Variants in TDRD9 observed in about 807,000 individuals in gnomAD.
TDRD9 encodes the protein ATP-dependent RNA helicase TDRD9.
A neutral mutation model predicts 172.6 loss-of-function variants in TDRD9; 124 were observed. The ratio of observed to expected loss-of-function variants is 0.72; its 90% CI spans 0.62 to 0.83. The LOEUF (loss-of-function observed/expected upper bound fraction) is 0.83. Among genes scored for constraint, TDRD9 ranks in the 40% least tolerant of loss-of-function variants. The pLI is 0.00. For synonymous variants in TDRD9, 619 were observed against 617.1 expected, an observed-to-expected ratio of 1.00 and a Z score of -0.05; for missense variants, 1,479 against 1,714.1, an observed-to-expected ratio of 0.86 and a Z score of 2.42.
chr14:103,985,302 G>A (rs2033620332), intron 7 of TDRD9, among the ~76,000 whole-genome samples: 1 of 152,146 alleles, frequency 6.6e-6, no homozygotes, highest in African/African-American at 2.4e-5. Context: ...GGGACCCAGT[G>A]GGAGGTAATT....
rs1225777142 is a variant in TDRD9 at position 104,035,006 on chromosome 14, T to C, written c.3666T>C (p.Pro1222=). 6.4e-7 allele frequency: 1 copy of C among 1,551,822 alleles called. No homozygotes were observed. Among genetic ancestry groups the C allele is most frequent in the African/African-American group, 1.4e-5 (1 of 73,162 alleles). ...LRETSLMPHI[P]GLPALLSMLF... is the part of the protein sequence containing the mutation. ...AAACCTCTCTGATGCCTCATATCCC[T>C]GGCCTCCCGGCTCTCCTCAGCATGT... is the stretch of plus-strand genomic sequence containing the variant. Residue 1222 remains proline (P), a synonymous_variant, in exon 32 of 36, where the codon CCT becomes CCC. Coordinates refer to ENST00000409874, the MANE Select transcript of TDRD9 (RefSeq NM_153046.3).
At chr14:103,941,610 GTCTT>G in intron 1 of TDRD9, 1 of 1,535,214 alleles carries the variant, frequency 6.5e-7, no homozygotes, top group East Asian at 2.4e-5. Flanking sequence ...CCGAAGCAGA[GTCTT>G]TGTCACTATG....
chr14:104,018,920 G>A (rs2034872090), intron 23 of TDRD9, among the ~76,000 whole-genome samples: 3 of 151,956 alleles, frequency 2.0e-5, no homozygotes, highest in East Asian at 1.9e-4. Flanking sequence ...AATTCCCTCC[G>A]GCATTTTAAG....
chr14:104,028,644 TTTG>T (rs1452778833), intron 28 of TDRD9, among the ~76,000 whole-genome samples: 1 of 152,186 alleles, frequency 6.6e-6, no homozygotes, highest in East Asian at 1.9e-4. Context: ...GTCTCTTCAT[TTTG>T]TTGATTGTTT....
At chr14:103,939,020 GC>G (rs1345970272) in intron 1 of TDRD9, among the ~76,000 whole-genome samples, 1 of 152,032 alleles carries the variant, frequency 6.6e-6, no homozygotes, top group Non-Finnish European at 1.5e-5. Context: ...TTAATTAATT[GC>G]ATGTGGGTGA....
chr14:103,994,473 A>C (rs1283691353), intron 10 of TDRD9, 46 bp from the exon 11 acceptor site: 2 of 1,604,808 alleles, frequency 1.2e-6, no homozygotes, highest in Non-Finnish European at 1.7e-6. Flanking sequence ...TTTGTATCTC[A>C]TGTATATCTA....
intron 13 of TDRD9, among the ~76,000 whole-genome samples, chr14:103,999,741 ACCATATG>A (rs2034196544): frequency 8.9e-6 from 1 of 112,456 alleles, no homozygotes; most frequent in Non-Finnish European, 1.9e-5. Flanking sequence ...TTGAATATTT[ACCATATG>A]CCAGACATTC....
chr14:104,029,019 A>G (rs1596007031), intron 28 of TDRD9, among the ~76,000 whole-genome samples: 2 of 152,086 alleles, frequency 1.3e-5, no homozygotes, highest in South Asian at 4.1e-4. Context: ...TGGGTTCTCT[A>G]TTCTGTTCCA....
Position 103,992,738 on chromosome 14 carries a change from A to G in TDRD9, c.1180+1514A>G, listed in dbSNP as rs142487594. Among the ~76,000 whole-genome samples, 242 of 152,118 alleles carry G rather than the reference A, an allele frequency of 1.6e-3. 3 individuals carry two copies. In the East Asian group the frequency reaches 0.034, roughly 21 times the overall value. On this transcript the variant is annotated intron_variant, in intron 9 of 35. Transcript: ENST00000409874. ...GGAGATCGAGACCATCCTGGCTAACATGGTGAAACCTCATCTTTACTGAAA... is the reference window on the plus strand; with the variant it reads ...GGAGATCGAGACCATCCTGGCTAACGTGGTGAAACCTCATCTTTACTGAAA...
At chr14:104,001,367 T>C (rs2152212346) in intron 13 of TDRD9, among the ~76,000 whole-genome samples, 1 of 152,380 alleles carries the variant, frequency 6.6e-6, no homozygotes, top group Middle Eastern at 3.4e-3. Flanking sequence ...ATAGTGTTCT[T>C]AGGAGCCATC....
intron 13 of TDRD9, among the ~76,000 whole-genome samples, chr14:104,000,329 C>CAA (rs60498436): frequency 4.4e-4 from 56 of 127,854 alleles, no homozygotes; most frequent in African/African-American, 7.3e-4. Flanking sequence ...AGCCCCGTCT[C>CAA]AAAAAAAAAA....
In TDRD9 at chr14:103,972,507, T is replaced by C. The variant is rs150741733; in HGVS notation, c.846+1886T>C. Among the ~76,000 whole-genome samples, 636 of 152,324 alleles carry C rather than the reference T, an allele frequency of 4.2e-3. 5 individuals are homozygous for C. Among genetic ancestry groups the C allele is most frequent in the Middle Eastern group, 0.024 (7 of 294 alleles). ...GAACAAAAAGGAAGAAGGTGTGAAC[T>C]AGGCCAAAATGGCGAAGGGTTTAGA... On this transcript the variant is annotated intron_variant, in intron 6 of 35. Coordinates refer to ENST00000409874, the MANE Select transcript of TDRD9 (RefSeq NM_153046.3).
At chr14:104,050,906 A>G (rs1372024955) in intron 35 of TDRD9, among the ~76,000 whole-genome samples, 1 of 152,256 alleles carries the variant, frequency 6.6e-6, no homozygotes, top group East Asian at 1.9e-4. Context: ...CCACATTTAC[A>G]TAGGCATGCA....
intron 6 of TDRD9, among the ~76,000 whole-genome samples, chr14:103,973,032 TAA>T (rs200251126): frequency 0.022 from 3,370 of 152,276 alleles, 141 homozygotes; most frequent in Admixed American, 0.12. Context: ...TTTTCAATGG[TAA>T]AAAGAGTTAG....
chr14:103,982,014 A>C (rs1272258359), intron 7 of TDRD9, among the ~76,000 whole-genome samples: 1 of 152,058 alleles, frequency 6.6e-6, no homozygotes, highest in Non-Finnish European at 1.5e-5. Context: ...TGCTGTTACA[A>C]GGGAGACTTG....
chr14:103,934,908 G>A (rs1331857868), intron 1 of TDRD9, among the ~76,000 whole-genome samples: 1 of 152,244 alleles, frequency 6.6e-6, no homozygotes, highest in Non-Finnish European at 1.5e-5. Flanking sequence ...TACTGTGGAT[G>A]TTTTTTGAAG....
intron 5 of TDRD9, among the ~76,000 whole-genome samples, chr14:103,969,203 G>C (rs947173517): frequency 9.4e-5 from 14 of 148,830 alleles, no homozygotes; most frequent in African/African-American, 3.5e-4. Context: ...TATGGAAAAG[G>C]TGCCTCCTAA....
chr14:104,038,469 G>A (rs754005196), intron 32 of TDRD9, among the ~76,000 whole-genome samples: 7 of 152,184 alleles, frequency 4.6e-5, no homozygotes, highest in Non-Finnish European at 7.4e-5. Flanking sequence ...GGCTTGTTGT[G>A]TTCCCAATGT....
At chr14:103,993,926 G>T (rs965213058) in intron 9 of TDRD9, among the ~76,000 whole-genome samples, 2 of 152,212 alleles carry the variant, frequency 1.3e-5, no homozygotes, top group African/African-American at 4.8e-5. Flanking sequence ...CAGCAAACAG[G>T]ACGGAGGCCT....
Sources: allele counts gnomAD v4.1 joint callset (sites outside exome capture counted in the v4.1 genomes callset), GRCh38; gene constraint gnomAD v4.1.1; transcripts MANE v1.5; gene names NCBI Gene and HGNC (gene_info 2026-07-23, HGNC 2026-07-21).